The following MEGF11 variants were observed in gnomAD, a reference collection of about 807,000 sequenced individuals.
The protein encoded by MEGF11 is multiple epidermal growth factor-like domains protein 11.
Under a neutral mutation model 146.6 loss-of-function variants are expected in MEGF11, and 126 were observed. That is an observed-to-expected ratio of 0.86 (90% CI 0.74 to 1.00). MEGF11 has a LOEUF of 1.00. Ranked by LOEUF, MEGF11 falls within the 50% of genes least tolerant of loss-of-function variation. MEGF11 has a pLI of 0.00. For missense variants in MEGF11, 1,509 were observed against 1,521.2 expected (o/e 0.99, Z 0.13); for synonymous variants, 532 against 583.4 (o/e 0.91, Z 1.27).
intron 5 of MEGF11, among the ~76,000 whole-genome samples, chr15:66,034,789 G>A (rs555514838): frequency 6.6e-6 from 1 of 152,162 alleles, no homozygotes; most frequent in Non-Finnish European, 1.5e-5. Flanking sequence ...CCTCATGAAT[G>A]GATTAATGAG....
At position 65,980,807 on chromosome 15, in the gene MEGF11, C is replaced by T. The variant is rs553556616; in HGVS notation, c.733G>A (p.Gly245Ser). ...CAGCCTGGGGGGCAGGCACACTCGC[C>T]AGTGATGTGGTGGCAGGTGCCCCCA... Reference protein sequence around the residue: ...QNGGTCHHITGECACPPGWTG... With the variant: ...QNGGTCHHITSECACPPGWTG... The change falls in exon 7 of 26, where the codon GGC becomes AGC. Residue 245 changes from glycine (G) to serine (S), a missense_variant. Physicochemically the swap from Gly to Ser is moderately conservative, Grantham distance 56. Coordinates refer to ENST00000395614, the MANE Select transcript of MEGF11 (RefSeq NM_001385028.1). 1 of 1,607,722 alleles carries T rather than the reference C, an allele frequency of 6.2e-7. No homozygotes were observed. Among genetic ancestry groups the T allele is most frequent in the South Asian group, 1.1e-5 (1 of 89,538 alleles).
chr15:66,127,775 C>G (rs2088435307), intron 2 of MEGF11, among the ~76,000 whole-genome samples: 1 of 152,208 alleles, frequency 6.6e-6, no homozygotes, highest in Non-Finnish European at 1.5e-5. Flanking sequence ...GCCCGCTCTT[C>G]CGCTGCAGCT....
chr15:66,045,775 ATTTGAGCC>A (rs1340889391), intron 5 of MEGF11, among the ~76,000 whole-genome samples: 3 of 151,964 alleles, frequency 2.0e-5, no homozygotes, highest in Non-Finnish European at 4.4e-5. Flanking sequence ...CCCTTATCTC[ATTTGAGCC>A]TCCCTACAAC....
At chr15:66,220,069 C>T (rs929449081) in intron 1 of MEGF11, among the ~76,000 whole-genome samples, 1 of 152,032 alleles carries the variant, frequency 6.6e-6, no homozygotes, top group African/African-American at 2.4e-5. Context: ...TATGAGAAGG[C>T]CACGTGAAGA....
chr15:66,072,815 C>T lies in MEGF11; in HGVS notation c.394+21587G>A, dbSNP rs115627701. 6.6e-3 allele frequency among the ~76,000 whole-genome samples: 1,012 copies of T among 152,310 alleles called. 12 individuals carry two copies. The highest frequency in any genetic ancestry group is 0.023 in the African/African-American group (950 of 41,566). ...CAAGGCCCAGGAAGGTTGCCTGGCT[C>T]GCTCCAGCAGTGGCACTAGAACCTC... On this transcript the variant is annotated intron_variant, in intron 5 of 25. Transcript: ENST00000395614.
At chr15:66,164,075 A>G (rs1055947566) in intron 1 of MEGF11, among the ~76,000 whole-genome samples, 2 of 151,462 alleles carry the variant, frequency 1.3e-5, no homozygotes, top group Admixed American at 6.6e-5. Context: ...ACCTGGGGGC[A>G]GGGTTGTTGG....
At chr15:66,161,029 G>A (rs1262680377) in intron 1 of MEGF11, among the ~76,000 whole-genome samples, 2 of 152,154 alleles carry the variant, frequency 1.3e-5, no homozygotes, top group African/African-American at 4.8e-5. Flanking sequence ...AAGCCACCCT[G>A]GAGGCAGGCC....
intron 5 of MEGF11, among the ~76,000 whole-genome samples, chr15:65,998,476 A>C (rs1348210456): frequency 3.9e-5 from 6 of 152,158 alleles, no homozygotes. Context: ...ACACAAACCG[A>C]GACTTCTTAA....
chr15:65,909,091 C>G lies in MEGF11; in HGVS notation c.2941G>C (p.Glu981Gln). ...ISALEARYPP[E>Q]DFYIELRHLS... ...TGTCTAAGTTCAATGTAGAAGTCCT[C>G]GGGCGGGTACCTGGCCTCCAGGGCA... Residue 981 changes from glutamate to glutamine, a missense_variant, in exon 23 of 26, where the codon GAG becomes CAG. Coordinates refer to ENST00000395614, the MANE Select transcript of MEGF11 (RefSeq NM_001385028.1). 6.5e-7 allele frequency: 1 copy of G among 1,535,694 alleles called. No individual in the cohort carries two copies. Among genetic ancestry groups the G allele is most frequent in the Non-Finnish European group, 8.7e-7 (1 of 1,146,756 alleles).
chr15:65,976,890 A>G (rs974272050), intron 7 of MEGF11, among the ~76,000 whole-genome samples: 1 of 152,178 alleles, frequency 6.6e-6, no homozygotes, highest in Non-Finnish European at 1.5e-5. Flanking sequence ...CCAGTCGCTC[A>G]TGCCTATACT....
Position 66,015,133 on chromosome 15 carries a change from C to T in MEGF11, c.395-32645G>A, listed in dbSNP as rs549935325. Among the ~76,000 whole-genome samples the T allele has an allele frequency of 1.2e-4, 19 of 152,316 alleles. No individual in the cohort carries two copies. The South Asian group carries it at 1.9e-3, about 15-fold the overall frequency. ...AGTGCAAGACAGCACCACAACAGCA[C>T]GGCACACAGTTATCTGTGGACCAGG... On this transcript the variant is annotated intron_variant, in intron 5 of 25. Transcript: ENST00000395614.
At chr15:65,901,042 G>A (rs1195591712) in intron 24 of MEGF11, among the ~76,000 whole-genome samples, 1 of 152,210 alleles carries the variant, frequency 6.6e-6, no homozygotes, top group Non-Finnish European at 1.5e-5. Flanking sequence ...GCACATCTGT[G>A]TATGGAGACC....
intron 4 of MEGF11, among the ~76,000 whole-genome samples, chr15:66,096,897 A>AG (rs2086578130): frequency 6.6e-6 from 1 of 152,184 alleles, no homozygotes; most frequent in African/African-American, 2.4e-5. Context: ...AAAGCCCCAG[A>AG]GACCAGCAGG....
At chr15:66,068,622 T>A (rs2085239998) in intron 5 of MEGF11, among the ~76,000 whole-genome samples, 1 of 152,178 alleles carries the variant, frequency 6.6e-6, no homozygotes, top group Non-Finnish European at 1.5e-5. Flanking sequence ...TCTAAGCCAG[T>A]GCTCTTTCCA....
At chr15:65,954,592 G>T (rs2080515404) in intron 10 of MEGF11, among the ~76,000 whole-genome samples, 1 of 152,168 alleles carries the variant, frequency 6.6e-6, no homozygotes, top group South Asian at 2.1e-4. Flanking sequence ...GTCTCACCAG[G>T]GCAGCTTGAC....
Position 66,081,229 on chromosome 15 carries a change from G to A in MEGF11, c.394+13173C>T, listed in dbSNP as rs182794801. Among the ~76,000 whole-genome samples, 335 of 152,316 alleles carry A rather than the reference G, an allele frequency of 2.2e-3. 3 individuals are homozygous for A. In the South Asian group the frequency reaches 0.033, roughly 15 times the overall value. On this transcript the variant is annotated intron_variant, in intron 5 of 25. Coordinates refer to ENST00000395614, the MANE Select transcript of MEGF11 (RefSeq NM_001385028.1). ...AGAGAGAATCAGGGTGGCCATGAGC[G>A]GGGTGGCAGGAAGGGGAGACATCCT...
chr15:66,029,814 C>T (rs1186121074), intron 5 of MEGF11, among the ~76,000 whole-genome samples: 2 of 152,224 alleles, frequency 1.3e-5, no homozygotes, highest in Non-Finnish European at 2.9e-5. Flanking sequence ...CTTCCGGCTT[C>T]CACTGCCTAT....
intron 10 of MEGF11, among the ~76,000 whole-genome samples, chr15:65,950,779 T>G (rs2080376046): frequency 6.6e-6 from 1 of 152,226 alleles, no homozygotes; most frequent in Non-Finnish European, 1.5e-5. Context: ...AGGCAGAAGC[T>G]CATGCCACTG....
chr15:65,909,271 C>T, intron 22 of MEGF11, 136 bp from the exon 23 acceptor site: 1 of 675,446 alleles, frequency 1.5e-6, no homozygotes, highest in Non-Finnish European at 2.6e-6. Flanking sequence ...CTGTGTATAG[C>T]ATCCAGAGGG....
Sources: allele counts gnomAD v4.1 joint callset (sites outside exome capture counted in the v4.1 genomes callset), GRCh38; gene constraint gnomAD v4.1.1; transcripts MANE v1.5; gene names NCBI Gene and HGNC (gene_info 2026-07-23, HGNC 2026-07-21).